Variants in PPM1H observed in about 807,000 individuals in gnomAD.
PPM1H encodes protein phosphatase 1H.
Under a neutral mutation model 54.9 loss-of-function variants are expected in PPM1H, and 27 were observed. The ratio of observed to expected loss-of-function variants is 0.49; its 90% CI spans 0.36 to 0.68. The LOEUF is 0.68. PPM1H is among the 30% of genes least tolerant of loss of function. The pLI is 0.00. For synonymous variants in PPM1H, 305 were observed against 270.8 expected, an observed-to-expected ratio of 1.13 and a Z score of -1.24; for missense variants, 596 against 667.8, an observed-to-expected ratio of 0.89 and a Z score of 1.19.
chr12:62,917,895 A>G (rs1349407174), intron 1 of PPM1H, among the ~76,000 whole-genome samples: 1 of 152,180 alleles, frequency 6.6e-6, no homozygotes, highest in African/African-American at 2.4e-5. Flanking sequence ...CATTTGTTTC[A>G]TAAAATCAAA....
intron 7 of PPM1H, among the ~76,000 whole-genome samples, chr12:62,693,589 C>T (rs2076095632): frequency 6.6e-6 from 1 of 152,236 alleles, no homozygotes; most frequent in African/African-American, 2.4e-5. Flanking sequence ...ACACAGCCAG[C>T]TTGACCTGCC....
chr12:62,877,137 T>C (rs1274809517), intron 1 of PPM1H, among the ~76,000 whole-genome samples: 1 of 152,206 alleles, frequency 6.6e-6, no homozygotes, highest in East Asian at 1.9e-4. Flanking sequence ...ATGCTCAGTC[T>C]GAGATAGCCA....
chr12:62,896,219 C>T (rs896141376), intron 1 of PPM1H, among the ~76,000 whole-genome samples: 1 of 152,138 alleles, frequency 6.6e-6, no homozygotes, highest in African/African-American at 2.4e-5. Flanking sequence ...ACACCAAAAG[C>T]AATGGCAAGA....
chr12:62,819,467 T>C (rs529933664), intron 2 of PPM1H, among the ~76,000 whole-genome samples: 3 of 152,312 alleles, frequency 2.0e-5, no homozygotes, highest in Non-Finnish European at 4.4e-5. Context: ...ATGTTTATTG[T>C]TTCTGTATTA....
chr12:62,778,781 A>AT (rs1361516069), intron 4 of PPM1H, among the ~76,000 whole-genome samples: 1 of 152,040 alleles, frequency 6.6e-6, no homozygotes, highest in Non-Finnish European at 1.5e-5. Flanking sequence ...AAAAATAAAA[A>AT]TTAGCTTGGC....
chr12:62,934,428 G>T lies in PPM1H; in HGVS notation c.245+64C>A. On this transcript the variant is annotated intron_variant, in intron 1 of 9. Transcript: ENST00000228705. This position sits in a 1 kb window ranked among gnomAD's most constrained non-coding sequence, Gnocchi z 4.2. ...GGCCGAGAAGCAGGGAGAGAAGAGG[G>T]CTGGAACCGTGCGGGGAAGGGCCGC... The T allele has an allele frequency of 4.1e-6, 6 of 1,475,688 alleles. No individual in the cohort carries two copies. The South Asian group carries it at 6.7e-5, about 17-fold the overall frequency. The allele number at this position is 1,475,688 out of a possible 1,614,324, so 91.4% of individuals were successfully genotyped here.
At chr12:62,738,600 T>C (rs2120530137) in intron 4 of PPM1H, among the ~76,000 whole-genome samples, 1 of 152,152 alleles carries the variant, frequency 6.6e-6, no homozygotes, top group East Asian at 1.9e-4. Flanking sequence ...GACAGCCACT[T>C]TTCAGCTATC....
rs202036620 is a variant in PPM1H, at chr12:62,801,768, G to T, written c.756+48C>A. On this transcript the variant is annotated intron_variant, in intron 3 of 9. Transcript: ENST00000228705. ...TCCAGGAAGGACGGACAGACCTGGC[G>T]CAGGCGCCAGCCTGGCCCTGCTGCC... 5.0e-6 allele frequency: 8 copies of T among 1,593,254 alleles called. No homozygotes were observed. The African/African-American group carries it at 5.4e-5, about 11-fold the overall frequency.
intron 8 of PPM1H, among the ~76,000 whole-genome samples, chr12:62,687,557 C>T (rs971513032): frequency 6.6e-6 from 1 of 151,318 alleles, no homozygotes; most frequent in African/African-American, 2.4e-5. Flanking sequence ...GGCCTTCTTG[C>T]AGTACTTTTT....
chr12:62,904,890 A>AT (rs540768685), intron 1 of PPM1H, among the ~76,000 whole-genome samples: 5 of 150,964 alleles, frequency 3.3e-5, no homozygotes, highest in African/African-American at 4.9e-5. Context: ...TTTAAAGGCC[A>AT]TTTTTTTTTC....
At chr12:62,897,514 A>T (rs143470931) in intron 1 of PPM1H, among the ~76,000 whole-genome samples, 1 of 152,146 alleles carries the variant, frequency 6.6e-6, no homozygotes, top group Admixed American at 6.5e-5. Flanking sequence ...TGATTAAGAC[A>T]ATACAATGTC....
intron 4 of PPM1H, among the ~76,000 whole-genome samples, chr12:62,743,438 G>C (rs2076393671): frequency 6.6e-6 from 1 of 152,056 alleles, no homozygotes; most frequent in Non-Finnish European, 1.5e-5. Flanking sequence ...TAACCAATGA[G>C]AATTTTGAGT....
chr12:62,723,372 G>GT (rs1429299119), intron 5 of PPM1H, among the ~76,000 whole-genome samples: 2 of 151,346 alleles, frequency 1.3e-5, no homozygotes, highest in African/African-American at 4.9e-5. Context: ...AAAAAAAAAA[G>GT]TAAGTTGGGA....
At chr12:62,777,206 C>T (rs949137974) in intron 4 of PPM1H, among the ~76,000 whole-genome samples, 14 of 152,198 alleles carry the variant, frequency 9.2e-5, no homozygotes, top group African/African-American at 3.4e-4. Context: ...GCTATTTCTG[C>T]GGCCAAAGAA....
At chr12:62,875,390 G>C (rs1288296031) in intron 1 of PPM1H, among the ~76,000 whole-genome samples, 1 of 152,146 alleles carries the variant, frequency 6.6e-6, no homozygotes, top group East Asian at 1.9e-4. Flanking sequence ...ACCTTAGGAA[G>C]GCAAATTGAA....
intron 1 of PPM1H, among the ~76,000 whole-genome samples, chr12:62,904,964 C>T (rs1347484265): frequency 2.0e-5 from 3 of 152,114 alleles, no homozygotes; most frequent in Non-Finnish European, 4.4e-5. Flanking sequence ...AGCATTCACT[C>T]CTAATAACAG....
intron 8 of PPM1H, among the ~76,000 whole-genome samples, chr12:62,677,778 C>T (rs188721553): frequency 9.5e-4 from 145 of 152,274 alleles, no homozygotes; most frequent in African/African-American, 3.1e-3. Context: ...CAGTGGTTTC[C>T]GGCTGGTGAA....
intron 1 of PPM1H, among the ~76,000 whole-genome samples, chr12:62,839,254 G>C (rs1353294766): frequency 1.3e-5 from 2 of 152,044 alleles, no homozygotes; most frequent in Non-Finnish European, 2.9e-5. Context: ...TGGCTCCCAG[G>C]CTCTGTCTGT....
At chr12:62,855,082 T>C (rs1396644606) in intron 1 of PPM1H, among the ~76,000 whole-genome samples, 2 of 151,888 alleles carry the variant, frequency 1.3e-5, no homozygotes, top group African/African-American at 4.9e-5. Context: ...TTGAAAAATT[T>C]CCCCATGTGA....
Sources: gnomAD v4.1 joint callset for allele counts (sites outside exome capture counted in the v4.1 genomes callset) on GRCh38, gnomAD v4.1.1 for gene constraint, Gnocchi (gnomAD v3.1) non-coding constraint, MANE v1.5 for transcripts, NCBI Gene and HGNC (gene_info 2026-07-23, HGNC 2026-07-21) for gene names.